Variants in PPP1R16A observed in about 807,000 individuals in gnomAD.
PPP1R16A encodes protein phosphatase 1 regulatory subunit 16A.
PPP1R16A carries 39 observed loss-of-function variants against 46.6 expected under a neutral mutation model. The ratio of observed to expected loss-of-function variants is 0.84; its 90% CI spans 0.65 to 1.09. The LOEUF (loss-of-function observed/expected upper bound fraction) is 1.09, where lower values mean the gene tolerates loss of function less well. Among genes scored for constraint, PPP1R16A ranks in the 50% least tolerant of loss-of-function variants. The probability of loss-of-function intolerance (pLI) is 0.00; values close to 1 mark genes in which losing one functional copy is unlikely to be tolerated. For synonymous variants in PPP1R16A, 413 were observed against 321.5 expected, an observed-to-expected ratio of 1.28 and a Z score of -3.04; for missense variants, 798 against 735.6, an observed-to-expected ratio of 1.08 and a Z score of -0.98.
rs755228646 is a variant in PPP1R16A, at chr8:144,499,059, C to A, written c.474C>A (p.Ala158=). 6.4e-7 allele frequency: 1 copy of A among 1,574,618 alleles called. No homozygotes were observed. The highest frequency in any genetic ancestry group is 1.1e-5 in the South Asian group (1 of 89,676). Residue 158 remains alanine (A), a splice_region_variant and synonymous_variant, in exon 5 of 12, where the codon GCC becomes GCA. Transcript: ENST00000435887. ...TGCACCTGGTGGAGCTGCTCATCGC[C>A]AGGTAGGGCCTGTTGGGCGTCCTTG... The part of the protein sequence containing the change: ...GHLHLVELLI[A]SGANLLAVNT...
At chr8:144,488,552 G>C (rs945582746) in intron 1 of PPP1R16A, among the ~76,000 whole-genome samples, 2 of 152,178 alleles carry the variant, frequency 1.3e-5, no homozygotes, top group African/African-American at 4.8e-5. Context: ...TGCAGTTACT[G>C]GTGGTGATGG....
intron 1 of PPP1R16A, among the ~76,000 whole-genome samples, chr8:144,486,555 G>A (rs1158897726): frequency 1.3e-5 from 2 of 152,300 alleles, no homozygotes; most frequent in African/African-American, 2.4e-5. Flanking sequence ...GTTTGGATTC[G>A]TGGGCAGCGG....
intron 2 of PPP1R16A, among the ~76,000 whole-genome samples, chr8:144,490,619 C>T (rs1825775487): frequency 3.9e-5 from 6 of 152,160 alleles, no homozygotes; most frequent in Admixed American, 3.9e-4. Context: ...GGTGAACAGT[C>T]ACTCTGGCGG....
chr8:144,497,606 C>G, intron 3 of PPP1R16A, 153 bp downstream of exon 3: 1 of 1,106,464 alleles, frequency 9.0e-7, no homozygotes, highest in African/African-American at 1.5e-5. Context: ...CTGGGTGGCC[C>G]AGGGTGCCCC....
chr8:144,497,924 G>A (rs936181121), intron 3 of PPP1R16A: 1 of 407,574 alleles, frequency 2.5e-6, no homozygotes, highest in Non-Finnish European at 5.0e-6. Context: ...CTATGCAGGT[G>A]GCCCCCTCTC....
chr8:144,480,088 A>C (rs1352607579), intron 1 of PPP1R16A, among the ~76,000 whole-genome samples: 1 of 152,222 alleles, frequency 6.6e-6, no homozygotes, highest in African/African-American at 2.4e-5. Flanking sequence ...TAACCACAGA[A>C]GATCTCTGAG....
chr8:144,497,646 C>A, intron 3 of PPP1R16A, 193 bp downstream of exon 3: 1 of 772,268 alleles, frequency 1.3e-6, no homozygotes, highest in Non-Finnish European at 2.2e-6. Flanking sequence ...AGTGGGCAGC[C>A]CTGAGGTGAG....
rs776077889 is a variant in PPP1R16A, at chr8:144,499,107, A to T, written c.476+46A>T. ...TTGGCAGGGAGAGGCTTCCTCTCAGATGGCCGCTCAGGAGGCTCCTCTTGG... is the reference window on the plus strand; with the variant it reads ...TTGGCAGGGAGAGGCTTCCTCTCAGTTGGCCGCTCAGGAGGCTCCTCTTGG... On this transcript the variant is annotated intron_variant, in intron 5 of 11. Coordinates refer to ENST00000435887, the MANE Select transcript of PPP1R16A (RefSeq NM_001329443.2). The T allele has an allele frequency of 3.9e-6, 6 of 1,536,676 alleles. No individual in the cohort carries two copies. The Admixed American group carries it at 8.9e-5, about 23-fold the overall frequency.
chr8:144,496,785 C>T lies in PPP1R16A; in HGVS notation c.-410C>T. On this transcript the variant is annotated 5_prime_UTR_variant, in exon 3 of 12. Coordinates refer to ENST00000435887, the MANE Select transcript of PPP1R16A (RefSeq NM_001329443.2). ...CTCACTGCTGGTTGGCCCTGCCCTC[C>T]CTTCCCCCTCAGCAGGGTGCCCGGA... 3.7e-6 allele frequency: 1 copy of T among 268,988 alleles called. No homozygotes were observed. Among genetic ancestry groups the T allele is most frequent in the Admixed American group, 4.7e-5 (1 of 21,466 alleles). The allele number at this position is 268,988 out of a possible 1,614,324, so 16.7% of individuals were successfully genotyped here. A position where few individuals can be genotyped will look rare whatever the true frequency, so the allele number is the denominator to read the frequency against.
chr8:144,479,840 AG>A (rs1825331514), intron 1 of PPP1R16A, among the ~76,000 whole-genome samples: 1 of 152,192 alleles, frequency 6.6e-6, no homozygotes, highest in African/African-American at 2.4e-5. Context: ...GCACACCTAA[AG>A]GGAGGCCTTT....
Position 144,493,640 on chromosome 8 carries a change from C to T in PPP1R16A, c.-734-2821C>T, listed in dbSNP as rs1257914486. ...CTTCCTTCTGAGGGTGATTCCTGGGCAGGGAGGCCAGAGGGGGACGCTTAG... is the reference window on the plus strand; with the variant it reads ...CTTCCTTCTGAGGGTGATTCCTGGGTAGGGAGGCCAGAGGGGGACGCTTAG... On this transcript the variant is annotated intron_variant, in intron 2 of 11. Transcript: ENST00000435887. This position sits in a 1 kb window ranked among gnomAD's most constrained non-coding sequence, Gnocchi z 4.3. Among the ~76,000 whole-genome samples the T allele has an allele frequency of 2.0e-5, 3 of 151,930 alleles. No individual in the cohort carries two copies. The highest frequency in any genetic ancestry group is 2.9e-5 in the Non-Finnish European group (2 of 67,934).
In PPP1R16A at chr8:144,490,056, T is replaced by A. The variant is rs1825755660; in HGVS notation, c.-891T>A. The A allele has an allele frequency of 6.6e-6, 1 of 151,252 alleles. No individual in the cohort carries two copies. The highest frequency in any genetic ancestry group is 1.5e-5 in the Non-Finnish European group (1 of 67,826). 9.4% of individuals were successfully genotyped at this position (151,252 alleles called of 1,614,324 possible). A position where few individuals can be genotyped will look rare whatever the true frequency, so the allele number is the denominator to read the frequency against. ...CAGGTACTGGCACACGGATGAGGAG[T>A]CGTAGAAGAGGGGCCTGCAGATTGT... On this transcript the variant is annotated 5_prime_UTR_variant, in exon 2 of 12. Coordinates refer to ENST00000435887, the MANE Select transcript of PPP1R16A (RefSeq NM_001329443.2).
chr8:144,500,228 GCTGCCGGTCGCGCTCCCTCTGAGC>G lies in PPP1R16A; in HGVS notation c.581-32_581-9del. 6.3e-7 allele frequency: 1 copy of G among 1,581,870 alleles called. No homozygotes were observed. On this transcript the variant is annotated splice_polypyrimidine_tract_variant and intron_variant, in intron 6 of 11. Coordinates refer to ENST00000435887, the MANE Select transcript of PPP1R16A (RefSeq NM_001329443.2). ...GGTGCGGCGGTGCGGCTGTGGGAGG[GCTGCCGGTCGCGCTCCCTCTGAGC>G]CTGCCGCCTCGCAGGCATCACCCAG...
intron 1 of PPP1R16A, among the ~76,000 whole-genome samples, chr8:144,489,645 C>T (rs930447310): frequency 6.6e-6 from 1 of 152,168 alleles, no homozygotes; most frequent in Non-Finnish European, 1.5e-5. Context: ...CTGTACACCC[C>T]GATGCCTTCT....
intron 1 of PPP1R16A, among the ~76,000 whole-genome samples, chr8:144,489,068 G>A (rs551803740): frequency 6.6e-6 from 1 of 150,986 alleles, no homozygotes; most frequent in Non-Finnish European, 1.5e-5. Context: ...GCCGGGTGTT[G>A]TGGCACACAC....
intron 2 of PPP1R16A, chr8:144,495,661 C>T (rs531750512): frequency 2.6e-5 from 4 of 152,458 alleles, no homozygotes; most frequent in African/African-American, 9.6e-5. Context: ...TGGTCTCGAT[C>T]TCCTGACCTC....
chr8:144,497,733 G>T (rs1316271395), intron 3 of PPP1R16A: 1 of 571,100 alleles, frequency 1.8e-6, no homozygotes, highest in African/African-American at 1.9e-5. Flanking sequence ...GAGGCCATGA[G>T]TGGACCCCCA....
chr8:144,498,708 G>A (rs769768942), intron 3 of PPP1R16A, 62 bp from the exon 4 acceptor site: 2 of 1,493,236 alleles, frequency 1.3e-6, no homozygotes, highest in South Asian at 1.3e-5. Context: ...CTGGGCCGAA[G>A]CACAGTTGAC....
At chr8:144,494,915 G>T (rs1369676903) in intron 2 of PPP1R16A, among the ~76,000 whole-genome samples, 1 of 152,182 alleles carries the variant, frequency 6.6e-6, no homozygotes, top group African/African-American at 2.4e-5. Context: ...TGGCTCTCCT[G>T]CCTCTCTGGT....
Sources: gnomAD v4.1 joint callset for allele counts (sites outside exome capture counted in the v4.1 genomes callset) on GRCh38, gnomAD v4.1.1 for gene constraint, Gnocchi (gnomAD v3.1) non-coding constraint, MANE v1.5 for transcripts, NCBI Gene and HGNC (gene_info 2026-07-23, HGNC 2026-07-21) for gene names.